The following ATXN3 variants were observed in gnomAD, a reference collection of about 807,000 sequenced individuals.
ATXN3 encodes the protein ataxin-3.
A neutral mutation model predicts 58.2 loss-of-function variants in ATXN3; 28 were observed. The observed-to-expected ratio is 0.48, with a 90% CI of 0.36 to 0.66. ATXN3 has a LOEUF of 0.66. ATXN3 is among the 30% of genes least tolerant of loss of function. The pLI, the probability that ATXN3 is intolerant of heterozygous loss-of-function variation, is 0.00. For synonymous variants in ATXN3, 113 were observed against 138.5 expected (o/e 0.82, Z 1.29); for missense variants, 321 against 422.1 (o/e 0.76, Z 2.10).
chr14:92,078,595 T>A (rs2060868463), intron 9 of ATXN3, among the ~76,000 whole-genome samples: 1 of 152,022 alleles, frequency 6.6e-6, no homozygotes, highest in African/African-American at 2.4e-5. Flanking sequence ...ACTCCTGATC[T>A]CAGGTGATCT....
upstream of ATXN3, among the ~76,000 whole-genome samples, chr14:92,053,198 C>T (rs371484358): frequency 6.6e-6 from 1 of 151,988 alleles, no homozygotes; most frequent in South Asian, 2.1e-4. Flanking sequence ...TGCAGTGAGC[C>T]GAGATCACGC....
intron 9 of ATXN3, among the ~76,000 whole-genome samples, chr14:92,076,142 C>T (rs1476728237): frequency 1.3e-5 from 2 of 152,010 alleles, no homozygotes; most frequent in East Asian, 1.9e-4. Context: ...ACTGAATTAT[C>T]GTTACTACTA....
intron 2 of ATXN3, chr14:92,044,986 C>G (rs554147392): frequency 6.6e-6 from 1 of 152,282 alleles, no homozygotes; most frequent in African/African-American, 2.4e-5. Context: ...AGATTAGCAG[C>G]CTGGTGGATT....
At chr14:92,085,407 C>T (rs1411380893) in intron 6 of ATXN3, among the ~76,000 whole-genome samples, 1 of 151,960 alleles carries the variant, frequency 6.6e-6, no homozygotes, top group Non-Finnish European at 1.5e-5. Context: ...AGGCTGGTCT[C>T]ATCAACTCCT....
intron 1 of ATXN3, among the ~76,000 whole-genome samples, chr14:92,101,721 G>A (rs1447864036): frequency 6.6e-6 from 1 of 152,108 alleles, no homozygotes; most frequent in Non-Finnish European, 1.5e-5. Flanking sequence ...AGCCAGGTGT[G>A]GTGGCAGGCG....
Position 92,063,102 on chromosome 14 carries a change from TTTC to T in ATXN3, c.*1215_*1217del, listed in dbSNP as rs1486376146. The T allele has an allele frequency of 1.3e-5, 2 of 152,670 alleles. No homozygotes were observed. The highest frequency in any genetic ancestry group is 4.8e-5 in the African/African-American group (2 of 41,462). The allele number at this position is 152,670 out of a possible 1,614,324, so 9.5% of individuals were successfully genotyped here. ...GAGAATATTTATCAAAACTATGGAC[TTTC>T]TTATTTATAGATCCACTAAGTACTG... On this transcript the variant is annotated 3_prime_UTR_variant, in exon 11 of 11. Coordinates refer to ENST00000644486, the MANE Select transcript of ATXN3 (RefSeq NM_004993.6).
At chr14:92,096,989 G>A (rs1160574677) in intron 1 of ATXN3, 151 bp from the exon 2 acceptor site, 5 of 631,000 alleles carry the variant, frequency 7.9e-6, no homozygotes, top group East Asian at 3.2e-5. Flanking sequence ...CTCACTGCAA[G>A]CTCCGCCACC....
intron 10 of ATXN3, among the ~76,000 whole-genome samples, chr14:92,068,017 G>T (rs550488125): frequency 1.3e-5 from 2 of 152,278 alleles, no homozygotes; most frequent in East Asian, 3.9e-4. Flanking sequence ...CGGACATTGT[G>T]GAGGTGTCCT....
chr14:92,096,623 CAAAAA>C (rs376966269), intron 2 of ATXN3, 46 bp downstream of exon 2: 626 of 1,244,032 alleles, frequency 5.0e-4, no homozygotes, highest in Admixed American at 7.9e-4. Flanking sequence ...GACTCCGTCT[CAAAAA>C]AAAAAAAAAA....
rs2057775624 is a variant in ATXN3 at position 92,061,485 on chromosome 14, A to C, written c.*2835T>G. 6.6e-6 allele frequency: 1 copy of C among 152,248 alleles called. No individual in the cohort carries two copies. The highest frequency in any genetic ancestry group is 1.5e-5 in the Non-Finnish European group (1 of 68,042). 9.4% of individuals were successfully genotyped at this position (152,248 alleles called of 1,614,324 possible). A position where few individuals can be genotyped will look rare whatever the true frequency, so the allele number is the denominator to read the frequency against. ...TGACATCTGAAAATATGAAAGTGGT[A>C]TTTCCAAGGCTTAAACTTCTACTAG... On this transcript the variant is annotated 3_prime_UTR_variant, in exon 11 of 11. Transcript: ENST00000644486.
chr14:92,097,313 C>T (rs905122774), intron 1 of ATXN3, among the ~76,000 whole-genome samples: 20 of 151,250 alleles, frequency 1.3e-4, no homozygotes, highest in African/African-American at 1.9e-4. Flanking sequence ...CCACAACCTC[C>T]GCCTCCCGGG....
upstream of ATXN3, among the ~76,000 whole-genome samples, chr14:92,051,318 A>AT (rs1001494182): frequency 6.6e-6 from 1 of 152,068 alleles, no homozygotes; most frequent in Non-Finnish European, 1.5e-5. Flanking sequence ...AATTTGTACA[A>AT]TTTTCCATTA....
upstream of ATXN3, among the ~76,000 whole-genome samples, chr14:92,050,006 A>G (rs971020280): frequency 1.3e-5 from 2 of 152,164 alleles, no homozygotes; most frequent in Admixed American, 6.5e-5. Flanking sequence ...CATAAAAGCT[A>G]TGTCCTAAAA....
intron 3 of ATXN3, among the ~76,000 whole-genome samples, chr14:92,095,698 C>CT (rs540944019): frequency 8.8e-4 from 133 of 151,932 alleles, no homozygotes; most frequent in South Asian, 7.3e-3. Flanking sequence ...TGGCTCACAC[C>CT]TGTAATCCCA....
intron 10 of ATXN3, chr14:92,070,698 G>T: frequency 9.1e-7 from 1 of 1,103,042 alleles, no homozygotes; most frequent in Non-Finnish European, 1.2e-6. Flanking sequence ...CTCCTGCCTT[G>T]GTTTCCCAAA....
chr14:92,067,978 C>T (rs1178352268), intron 10 of ATXN3, among the ~76,000 whole-genome samples: 1 of 152,132 alleles, frequency 6.6e-6, no homozygotes, highest in African/African-American at 2.4e-5. Context: ...GAGAGCAGTG[C>T]CTTGTTACTG....
In ATXN3 at chr14:92,064,378, G is replaced by T; in HGVS notation, c.1028C>A (p.Ala343Asp). 6.2e-7 allele frequency: 1 copy of T among 1,613,120 alleles called. No individual in the cohort carries two copies. Among genetic ancestry groups the T allele is most frequent in the Non-Finnish European group, 8.5e-7 (1 of 1,179,446 alleles). ...AMSEEDMLQA[A>D]VTMSLETVRN... ...GACAGTTTCTAAAGACATGGTCACA[G>T]CTGCCTGAAGCATGTCTTCTTCACT... The change falls in exon 11 of 11, where the codon GCT becomes GAT. Residue 343 changes from alanine (A) to aspartate (D), a missense_variant. By Grantham distance (126) the Ala-to-Asp change is moderately radical (BLOSUM62 -2). Coordinates refer to ENST00000644486, the MANE Select transcript of ATXN3 (RefSeq NM_004993.6).
chr14:92,102,268 GA>G (rs1272212252), intron 1 of ATXN3, among the ~76,000 whole-genome samples: 1 of 149,182 alleles, frequency 6.7e-6, no homozygotes, highest in Non-Finnish European at 1.5e-5. Context: ...AGGAAGAAAG[GA>G]AGAAAGGAGG....
intron 9 of ATXN3, chr14:92,080,746 G>A (rs997808633): frequency 1.9e-6 from 1 of 518,484 alleles, no homozygotes; most frequent in Non-Finnish European, 3.7e-6. Context: ...GTGTTGCCCA[G>A]GCTGGTCTCG....
Sources: allele counts gnomAD v4.1 joint callset (sites outside exome capture counted in the v4.1 genomes callset), GRCh38; gene constraint gnomAD v4.1.1; transcripts MANE v1.5; gene names NCBI Gene and HGNC (gene_info 2026-07-23, HGNC 2026-07-21).